Variants in ACAP3 observed in about 807,000 individuals in gnomAD.
ACAP3 encodes ArfGAP with coiled-coil, ankyrin repeat and PH domains 3, also known as arf-GAP with coiled-coil, ANK repeat and PH domain-containing protein 3.
Under a neutral mutation model 104.1 loss-of-function variants are expected in ACAP3, and 56 were observed. The ratio of observed to expected loss-of-function variants is 0.54; its 90% CI spans 0.43 to 0.67. ACAP3 has a LOEUF of 0.67. Ranked by LOEUF, ACAP3 falls within the 30% of genes least tolerant of loss-of-function variation. The pLI, the probability that ACAP3 is intolerant of heterozygous loss-of-function variation, is 0.00. For synonymous variants in ACAP3, 628 were observed against 496.2 expected, an observed-to-expected ratio of 1.27 and a Z score of -3.53; for missense variants, 1,208 against 1,174.9, an observed-to-expected ratio of 1.03 and a Z score of -0.41.
Position 1,296,585 on chromosome 1 carries a change from T to C in ACAP3, c.1177A>G (p.Thr393Ala), listed in dbSNP as rs1641167747. The change falls in exon 15 of 24, where the codon ACC becomes GCC. Residue 393 changes from threonine (T) to alanine (A), a missense_variant. Thr to Ala is a moderately conservative substitution (Grantham distance 58). Transcript: ENST00000354700. ...TTCACGCCACGCTCCCGAGTGTCGG[T>C]GGCGGAGTCGATGCTGCTCGTGGAC... is the stretch of plus-strand genomic sequence containing the variant. The part of the protein sequence containing the change: ...SPSTSSIDSA[T>A]DTRERGVKGE... The C allele has an allele frequency of 6.5e-7, 1 of 1,539,584 alleles. No homozygotes were observed. Among genetic ancestry groups the C allele is most frequent in the Non-Finnish European group, 8.7e-7 (1 of 1,146,624 alleles).
chr1:1,305,251 A>G (rs981847477), intron 1 of ACAP3: 8 of 152,694 alleles, frequency 5.2e-5, no homozygotes, highest in African/African-American at 1.9e-4. Context: ...CAAGGGGCTA[A>G]GAGGACTCTG....
Position 1,295,884 on chromosome 1 carries a change from C to G in ACAP3, c.1557G>C (p.Arg519=). The change falls in exon 18 of 24, where the codon CGG becomes CGC. Residue 519 remains arginine, a synonymous_variant. Coordinates refer to ENST00000354700, the MANE Select transcript of ACAP3 (RefSeq NM_030649.3). Reference sequence around the variant, plus strand: ...CCAGGGCTGGTGCCATGGGCGCCTTCCGCAGAAACTTCTTTTCCACGTATT... The same window carrying G: ...CCAGGGCTGGTGCCATGGGCGCCTTGCGCAGAAACTTCTTTTCCACGTATT... ...KDKYVEKKFL[R]KAPMAPALEA... The G allele has an allele frequency of 6.2e-7, 1 of 1,612,102 alleles. No homozygotes were observed. The highest frequency in any genetic ancestry group is 8.5e-7 in the Non-Finnish European group (1 of 1,179,972).
intron 4 of ACAP3, 127 bp downstream of exon 4, chr1:1,302,795 T>TG: frequency 1.8e-5 from 3 of 167,378 alleles, no homozygotes; most frequent in Non-Finnish European, 3.8e-5. Context: ...AATGTGGGAT[T>TG]CCCCCCCCCC....
intron 14 of ACAP3, among the ~76,000 whole-genome samples, 190 bp from the exon 15 acceptor site, chr1:1,296,823 GCA>G (rs1406238024): frequency 8.0e-4 from 101 of 125,660 alleles, no homozygotes; most frequent in Admixed American, 4.8e-3. Context: ...GCCCGCACAC[GCA>G]CACACGCGCA....
At chr1:1,295,065 G>A (rs944418863) in intron 19 of ACAP3, 8 of 561,452 alleles carry the variant, frequency 1.4e-5, no homozygotes, top group African/African-American at 7.6e-5. Flanking sequence ...CCTCCCGCTC[G>A]CCGCCTTACC....
In ACAP3 at chr1:1,303,174, G is replaced by T. The variant is rs137985693; in HGVS notation, c.213C>A (p.Asp71Glu). 56 of 1,603,196 alleles carry T rather than the reference G, an allele frequency of 3.5e-5. No homozygotes were observed. Among genetic ancestry groups the T allele is most frequent in the Non-Finnish European group, 4.3e-5 (50 of 1,175,998 alleles). Residue 71 changes from aspartate to glutamate, a missense_variant, in exon 3 of 24, where the codon GAC (aspartate) becomes GAA (glutamate). Coordinates refer to ENST00000354700, the MANE Select transcript of ACAP3 (RefSeq NM_030649.3). The surrounding 1 kb of genome is among the most constrained non-coding windows in gnomAD (Gnocchi z 4.0). ...GTCGGCCCCTCACCGAGATGACGGT[G>T]TCGCCCTGGCACTGCTGGGACAGGT... ...VRDLSQQCQGDTVISECLQRF... is the reference protein window; with the variant it reads ...VRDLSQQCQGETVISECLQRF...
Position 1,293,391 on chromosome 1 carries a change from G to T in ACAP3, c.*173C>A. On this transcript the variant is annotated 3_prime_UTR_variant, in exon 24 of 24. Transcript: ENST00000354700. ...AACGTGAGGCTTCAAGAGACTCAGT[G>T]TGGGGCCCTCGCTCTCCTCCTGGGC... The T allele has an allele frequency of 1.8e-6, 1 of 569,968 alleles. No individual in the cohort carries two copies. The highest frequency in any genetic ancestry group is 2.5e-6 in the Non-Finnish European group (1 of 393,040). 35.3% of individuals were successfully genotyped at this position (569,968 alleles called of 1,614,324 possible).
At chr1:1,299,323 C>T (rs756544138) in intron 10 of ACAP3, 22 bp downstream of exon 10, 2 of 1,596,014 alleles carry the variant, frequency 1.3e-6, no homozygotes, top group East Asian at 2.3e-5. Context: ...CCACAGCCCG[C>T]CCAGGGCCCG....
chr1:1,304,042 C>G, intron 2 of ACAP3, 44 bp downstream of exon 2: 1 of 1,549,614 alleles, frequency 6.5e-7, no homozygotes, highest in Non-Finnish European at 8.7e-7. Flanking sequence ...ATGTGGCCAT[C>G]CCAAGCTTGG....
intron 5 of ACAP3, 44 bp from the exon 6 acceptor site, chr1:1,300,736 C>A: frequency 1.3e-6 from 2 of 1,571,822 alleles, no homozygotes; most frequent in Non-Finnish European, 1.7e-6. Flanking sequence ...AGGGAGGGCA[C>A]CTGCTGGATC....
At chr1:1,297,052 C>G (rs1641204497) in intron 14 of ACAP3, among the ~76,000 whole-genome samples, 2 of 129,980 alleles carry the variant, frequency 1.5e-5, no homozygotes, top group African/African-American at 9.7e-5. Context: ...TTGCAGGAGC[C>G]ACACACAGGC....
At position 1,293,720 on chromosome 1, in the gene ACAP3, C is replaced by T. The variant is rs528978444; in HGVS notation, c.2361-12G>A. ...GCGCCAGACGGAGCCTACGGGGAGG[C>T]ACAGCGTGAGACGCCCCTGCCCTGG... On this transcript the variant is annotated splice_polypyrimidine_tract_variant and intron_variant, in intron 23 of 23. Transcript: ENST00000354700. The T allele has an allele frequency of 1.4e-6, 2 of 1,425,144 alleles. No individual in the cohort carries two copies. Among genetic ancestry groups the T allele is most frequent in the African/African-American group, 1.5e-5 (1 of 65,256 alleles). The allele number at this position is 1,425,144 out of a possible 1,614,324, so 88.3% of individuals were successfully genotyped here.
rs200760316 is a variant in ACAP3 at position 1,293,879 on chromosome 1, C to T, written c.2304G>A (p.Glu768=). ...CTGCGATGGCCAACGGGTCCCGCTG[C>T]TCTTGGTCCAGGGCGTGCTGGTCCG... is the stretch of plus-strand genomic sequence containing the variant. ...RGADQHALDQ[E]QRDPLAIAVQ... The change falls in exon 23 of 24, where the codon GAG becomes GAA. Residue 768 remains glutamate (E), a synonymous_variant. Transcript: ENST00000354700. The T allele has an allele frequency of 1.9e-5, 30 of 1,586,328 alleles. No homozygotes were observed. Among genetic ancestry groups the T allele is most frequent in the South Asian group, 6.7e-5 (6 of 89,638 alleles).
rs1319587601 is a variant in ACAP3, at chr1:1,307,882, G to A, written c.-67C>T. On this transcript the variant is annotated 5_prime_UTR_variant, in exon 1 of 24. Transcript: ENST00000354700. ...CGCCGAGCGGCAGCCGCGCCGGCCC[G>A]GACCGCTCGTCCCGCCCGCGCCGCC... 4.3e-6 allele frequency: 4 copies of A among 923,592 alleles called. No homozygotes were observed. Among genetic ancestry groups the A allele is most frequent in the Non-Finnish European group, 5.2e-6 (4 of 773,312 alleles). The allele number at this position is 923,592 out of a possible 1,614,324, so 57.2% of individuals were successfully genotyped here.
At chr1:1,297,123 G>A (rs115102198) in intron 14 of ACAP3, among the ~76,000 whole-genome samples, 2,080 of 148,114 alleles carry the variant, frequency 0.014, 22 homozygotes, top group Middle Eastern at 0.031. Context: ...GCACCGGCAC[G>A]GGGCAGGGGC....
At chr1:1,299,031 G>A (rs1641324827) in intron 10 of ACAP3, 2 of 560,430 alleles carry the variant, frequency 3.6e-6, no homozygotes, top group East Asian at 3.2e-5. Context: ...GGCGGACAGA[G>A]CCCCATTCAG....
At position 1,298,664 on chromosome 1, in the gene ACAP3, C is replaced by T; in HGVS notation, c.766G>A (p.Glu256Lys). Residue 256 changes from glutamate (E) to lysine (K), a missense_variant, in exon 11 of 24, where the codon GAG (glutamate) becomes AAG (lysine). Transcript: ENST00000354700. ...TCCACGTCAAACTCCACTTTGGACT[C>T]ATCGTAGGAGAAGTCCTGGGGGGAT... ...RTLLQDFSYD[E>K]SKVEFDVDAP... is the part of the protein sequence containing the mutation. 4 of 1,612,320 alleles carry T rather than the reference C, an allele frequency of 2.5e-6. No homozygotes were observed. Among genetic ancestry groups the T allele is most frequent in the Non-Finnish European group, 3.4e-6 (4 of 1,179,656 alleles).
intron 23 of ACAP3, 23 bp from the exon 24 acceptor site, chr1:1,293,731 A>ACGCCCCTACCCTGGAGGCCC: frequency 6.4e-6 from 6 of 942,762 alleles, no homozygotes; most frequent in Non-Finnish European, 8.5e-6. Context: ...ACAGCGTGAG[A>ACGCCCCTACCCTGGAGGCCC]CGCCCCTGCC....
At chr1:1,297,794 C>G (rs546697881) in intron 14 of ACAP3, 28 bp downstream of exon 14, 7 of 1,604,646 alleles carry the variant, frequency 4.4e-6, no homozygotes, top group Admixed American at 1.7e-5. Context: ...TGTGCACGGG[C>G]TTGGGGCAGG....
Sources: allele counts gnomAD v4.1 joint callset (sites outside exome capture counted in the v4.1 genomes callset), GRCh38; gene constraint gnomAD v4.1.1; non-coding constraint Gnocchi (gnomAD v3.1); transcripts MANE v1.5; gene names NCBI Gene and HGNC (gene_info 2026-07-23, HGNC 2026-07-21).